The following TXNRD1 variants were observed in gnomAD, a reference collection of about 807,000 sequenced individuals.
The protein encoded by TXNRD1 is thioredoxin reductase 1, cytoplasmic.
A neutral mutation model predicts 80.3 loss-of-function variants in TXNRD1; 57 were observed. The ratio of observed to expected loss-of-function variants is 0.71; its 90% CI spans 0.57 to 0.89. The LOEUF (loss-of-function observed/expected upper bound fraction) is 0.89. Among genes scored for constraint, TXNRD1 ranks in the 40% least tolerant of loss-of-function variants. The pLI is 0.00. For synonymous variants in TXNRD1, 291 were observed against 285.2 expected, an observed-to-expected ratio of 1.02 and a Z score of -0.20; for missense variants, 730 against 803.0, an observed-to-expected ratio of 0.91 and a Z score of 1.10.
intron 2 of TXNRD1, among the ~76,000 whole-genome samples, chr12:104,256,971 CTTTTCTTTTT>C (rs1192257612): frequency 1.1e-5 from 1 of 89,906 alleles, no homozygotes; most frequent in Non-Finnish European, 2.4e-5. Flanking sequence ...AATATATTTT[CTTTTCTTTTT>C]TTTTTTTTTT....
Position 104,252,658 on chromosome 12 carries a change from T to TATATATATA in TXNRD1, c.243+980_243+981insATATATATA, listed in dbSNP as rs1491493630. 2.8e-3 allele frequency among the ~76,000 whole-genome samples: 29 copies of TATATATATA among 10,294 alleles called. 1 individual carries two copies. Among genetic ancestry groups the TATATATATA allele is most frequent in the African/African-American group, 8.3e-3 (22 of 2,640 alleles). The allele number at this position is 10,294 out of a possible 152,430, so 6.8% of individuals were successfully genotyped here. Reference sequence around the variant, plus strand: ...GGTTCACTGAGAGGTTAATTTATTATTTTTTATATATATATATATATATAT... The same window carrying TATATATATA: ...GGTTCACTGAGAGGTTAATTTATTATATATATATATTTTTATATATATATATATATATAT... On this transcript the variant is annotated intron_variant, in intron 2 of 16. Transcript: ENST00000525566.
intron 1 of TXNRD1, among the ~76,000 whole-genome samples, chr12:104,232,548 G>A (rs982736001): frequency 5.3e-5 from 8 of 151,688 alleles, no homozygotes; most frequent in East Asian, 1.9e-4. Context: ...GTGACAGAGC[G>A]AGACACCACC....
At chr12:104,255,204 G>A (rs1479465863) in intron 2 of TXNRD1, among the ~76,000 whole-genome samples, 2 of 152,158 alleles carry the variant, frequency 1.3e-5, no homozygotes, top group African/African-American at 4.8e-5. Context: ...AGTTGGGCTA[G>A]CGGTCAGGAT....
At chr12:104,318,440 A>C (rs2035406316) in intron 7 of TXNRD1, among the ~76,000 whole-genome samples, 1 of 152,228 alleles carries the variant, frequency 6.6e-6, no homozygotes, top group Non-Finnish European at 1.5e-5. Context: ...GAAATAAATA[A>C]GCATGGCTGT....
chr12:104,319,836 G>T (rs1239200652), intron 9 of TXNRD1, among the ~76,000 whole-genome samples: 1 of 152,202 alleles, frequency 6.6e-6, no homozygotes, highest in East Asian at 1.9e-4. Flanking sequence ...TACTAGTATA[G>T]ATTTACATTT....
intron 5 of TXNRD1, among the ~76,000 whole-genome samples, chr12:104,312,329 A>G (rs1457194276): frequency 6.6e-6 from 1 of 152,214 alleles, no homozygotes; most frequent in Non-Finnish European, 1.5e-5. Context: ...GAATCAAGAT[A>G]AATTTCCCAT....
chr12:104,282,693 A>C (rs1022679475), intron 3 of TXNRD1, among the ~76,000 whole-genome samples: 40 of 152,266 alleles, frequency 2.6e-4, no homozygotes, highest in African/African-American at 9.4e-4. Flanking sequence ...TGGGATCATG[A>C]GAGCCTTTTC....
intron 16 of TXNRD1, among the ~76,000 whole-genome samples, chr12:104,344,616 A>G (rs2036435231): frequency 6.6e-6 from 1 of 152,286 alleles, no homozygotes; most frequent in African/African-American, 2.4e-5. Flanking sequence ...CCTTCTAGCT[A>G]TTTGAAAGTA....
intron 10 of TXNRD1, among the ~76,000 whole-genome samples, chr12:104,324,594 C>A (rs1394291666): frequency 1.3e-5 from 2 of 151,614 alleles, no homozygotes; most frequent in African/African-American, 4.9e-5. Context: ...TCATGATCCT[C>A]CCGCCTCGGC....
intron 3 of TXNRD1, chr12:104,265,337 A>G: frequency 4.3e-6 from 7 of 1,609,672 alleles, no homozygotes; most frequent in Non-Finnish European, 5.9e-6. Context: ...CTACGAGAGT[A>G]CAAGGTAGTG....
intron 1 of TXNRD1, among the ~76,000 whole-genome samples, chr12:104,218,387 C>T (rs957704457): frequency 1.3e-5 from 2 of 152,090 alleles, no homozygotes; most frequent in South Asian, 2.1e-4. Flanking sequence ...TTTTTACAAA[C>T]GAAGTATATG....
At chr12:104,320,865 G>T (rs527420722) in intron 9 of TXNRD1, among the ~76,000 whole-genome samples, 1 of 152,258 alleles carries the variant, frequency 6.6e-6, no homozygotes. Context: ...ACAGTTTGCT[G>T]TGTTTAGCTA....
At chr12:104,290,720 C>CATATATATATATATATATAT (rs58669975) in intron 4 of TXNRD1, among the ~76,000 whole-genome samples, 10 of 55,858 alleles carry the variant, frequency 1.8e-4, no homozygotes, top group Admixed American at 2.7e-4. Context: ...AAGAAATATA[C>CATATATATATATATATATAT]ATATATATAT....
At chr12:104,257,019 T>C (rs1226638480) in intron 2 of TXNRD1, among the ~76,000 whole-genome samples, 1 of 149,010 alleles carries the variant, frequency 6.7e-6, no homozygotes, top group Non-Finnish European at 1.5e-5. Context: ...ATTGATCATC[T>C]CTGTGAACTT....
intron 13 of TXNRD1, among the ~76,000 whole-genome samples, chr12:104,330,517 AT>A (rs1565908794): frequency 6.6e-6 from 1 of 152,102 alleles, no homozygotes; most frequent in Non-Finnish European, 1.5e-5. Context: ...CTTCTTTACC[AT>A]TTTAATGGCT....
In TXNRD1 at chr12:104,313,318, G is replaced by A; in HGVS notation, c.610+1G>A. The A allele has an allele frequency of 6.3e-7, 1 of 1,579,376 alleles. No individual in the cohort carries two copies. On this transcript the variant is annotated splice_donor_variant, in intron 6 of 16. Coordinates refer to ENST00000525566, the MANE Select transcript of TXNRD1 (RefSeq NM_001093771.3). LOFTEE classifies it high-confidence loss of function. ...CCCACCCCTCTTGGAACTAGATGGG[G>A]TAAGCTTTTAAGATACTCTAGAAGT...
At chr12:104,285,319 TGGGC>T (rs1337451186) in intron 3 of TXNRD1, among the ~76,000 whole-genome samples, 1 of 152,202 alleles carries the variant, frequency 6.6e-6, no homozygotes, top group Non-Finnish European at 1.5e-5. Context: ...GTAAGGCATC[TGGGC>T]TCTTAACAGC....
At chr12:104,256,608 G>A (rs1036879678) in intron 2 of TXNRD1, among the ~76,000 whole-genome samples, 3 of 151,790 alleles carry the variant, frequency 2.0e-5, no homozygotes, top group Non-Finnish European at 4.4e-5. Context: ...GTGAAACCGC[G>A]TCTCTACTAA....
At chr12:104,319,713 G>A (rs762764156) in intron 9 of TXNRD1, 128 bp downstream of exon 9, 2 of 690,496 alleles carry the variant, frequency 2.9e-6, no homozygotes, top group African/African-American at 1.8e-5. Context: ...TGCCCTCTCT[G>A]GGGGCAGGGG....
Sources: gnomAD v4.1 joint callset for allele counts (sites outside exome capture counted in the v4.1 genomes callset) on GRCh38, gnomAD v4.1.1 for gene constraint, MANE v1.5 for transcripts, NCBI Gene and HGNC (gene_info 2026-07-23, HGNC 2026-07-21) for gene names.